GIPC2: variants seen among roughly 807,000 people sequenced by gnomAD.
GIPC2 encodes the protein PDZ domain-containing protein GIPC2.
In GIPC2, 30 loss-of-function variants were observed where a neutral mutation model predicts 30.6. The observed-to-expected ratio is 0.98, with a 90% CI of 0.73 to 1.33. The LOEUF (loss-of-function observed/expected upper bound fraction) is 1.33, where lower values mean the gene tolerates loss of function less well. Among genes scored for constraint, GIPC2 ranks in the 40% most tolerant of loss-of-function variants. The probability of loss-of-function intolerance (pLI) is 0.00; values close to 1 mark genes in which losing one functional copy is unlikely to be tolerated. For missense variants in GIPC2, 414 were observed against 390.3 expected, an observed-to-expected ratio of 1.06 and a Z score of -0.51; for synonymous variants, 167 against 150.0, an observed-to-expected ratio of 1.11 and a Z score of -0.83.
intron 1 of GIPC2, among the ~76,000 whole-genome samples, chr1:78,079,070 A>G (rs971019005): frequency 6.6e-6 from 1 of 152,322 alleles, no homozygotes. Flanking sequence ...CCCCCTGAGA[A>G]CAATATCATT....
At chr1:78,080,927 AG>A in intron 2 of GIPC2, 67 bp downstream of exon 2, 2 of 867,926 alleles carry the variant, frequency 2.3e-6, no homozygotes, top group Non-Finnish European at 3.4e-6. Context: ...ACCAGGCCAA[AG>A]AAAGTTAGAA....
In GIPC2 at chr1:78,090,027, C is replaced by T. The variant is rs763159335; in HGVS notation, c.427-4925C>T. ...CATAAATCTTCTTTTGATTTTTTTC[C>T]GAACCATTCAAAAAGGTAAAAACCA... On this transcript the variant is annotated intron_variant, in intron 2 of 5. Transcript: ENST00000370759. Among the ~76,000 whole-genome samples, 6 of 151,760 alleles carry T rather than the reference C, an allele frequency of 4.0e-5. No homozygotes were observed. In the South Asian group the frequency reaches 8.3e-4, roughly 21 times the overall value.
intron 2 of GIPC2, chr1:78,092,735 T>C (rs3790592): frequency 0.22 from 34,069 of 152,178 alleles, 4,144 homozygotes; most frequent in East Asian, 0.49. Flanking sequence ...CCTATATTGA[T>C]TTTCCTGTGT....
chr1:78,050,737 C>A (rs888395678), intron 1 of GIPC2, among the ~76,000 whole-genome samples: 2 of 151,706 alleles, frequency 1.3e-5, no homozygotes, highest in African/African-American at 4.8e-5. Flanking sequence ...TGGGTTCATG[C>A]CATTGTCCTG....
At chr1:78,074,708 T>G (rs1661683782) in intron 1 of GIPC2, among the ~76,000 whole-genome samples, 1 of 152,248 alleles carries the variant, frequency 6.6e-6, no homozygotes, top group Admixed American at 6.5e-5. Context: ...TTTCTCTTCT[T>G]TCTATTTAAC....
In GIPC2 at chr1:78,046,272, T is replaced by G; in HGVS notation, c.178T>G (p.Phe60Val). Residue 60 changes from phenylalanine to valine, a missense_variant, in exon 1 of 6, where the codon TTC (phenylalanine) becomes GTC (valine). By Grantham distance (50) the Phe-to-Val change is conservative (BLOSUM62 -1). Coordinates refer to ENST00000370759, the MANE Select transcript of GIPC2 (RefSeq NM_017655.6). ...TAGTGCCACGGGCCGAGTGGAGGGC[T>G]TCTCCAGCATCCAGGAGCTCTACGC... Reference protein sequence around the residue: ...HGSATGRVEGFSSIQELYAQI... With the variant: ...HGSATGRVEGVSSIQELYAQI... 6.2e-7 allele frequency: 1 copy of G among 1,611,828 alleles called. No homozygotes were observed. The highest frequency in any genetic ancestry group is 8.5e-7 in the Non-Finnish European group (1 of 1,179,446).
At chr1:78,046,667 T>G (rs1425293421) in intron 1 of GIPC2, among the ~76,000 whole-genome samples, 1 of 152,036 alleles carries the variant, frequency 6.6e-6, no homozygotes, top group East Asian at 1.9e-4. Context: ...GTGAGCACCT[T>G]CCCAGACTCG....
chr1:78,109,806 G>C (rs1434407617), intron 3 of GIPC2, among the ~76,000 whole-genome samples: 1 of 152,034 alleles, frequency 6.6e-6, no homozygotes, highest in Non-Finnish European at 1.5e-5. Context: ...AACAATGATA[G>C]ACTGGATTAA....
Position 78,095,056 on chromosome 1 carries a change from T to C in GIPC2, c.531T>C (p.Asp177=), listed in dbSNP as rs1662111797. ...ATATTGTTGGGTGGCGTCACTATGA[T>C]GTTGCTAAGAAGTTAAAGGAATTAA... ...GENIVGWRHY[D]VAKKLKELKK... is the part of the protein sequence containing the mutation. Residue 177 remains aspartate, a synonymous_variant, in exon 3 of 6, where the codon GAT becomes GAC. Transcript: ENST00000370759. The C allele has an allele frequency of 3.7e-6, 6 of 1,609,076 alleles. No individual in the cohort carries two copies. The highest frequency in any genetic ancestry group is 3.3e-5 in the Admixed American group (2 of 59,990).
intron 3 of GIPC2, among the ~76,000 whole-genome samples, chr1:78,116,562 G>T (rs1468348161): frequency 6.6e-6 from 1 of 150,896 alleles, no homozygotes; most frequent in Non-Finnish European, 1.5e-5. Context: ...GTGTCCAAGT[G>T]TTCTCATTGT....
intron 4 of GIPC2, among the ~76,000 whole-genome samples, chr1:78,125,316 A>G (rs906284548): frequency 6.6e-6 from 1 of 152,196 alleles, no homozygotes; most frequent in Non-Finnish European, 1.5e-5. Context: ...CTGGGATTAC[A>G]AGCATGTGCT....
chr1:78,061,727 C>T (rs1451155105), intron 1 of GIPC2, among the ~76,000 whole-genome samples: 1 of 86,726 alleles, frequency 1.2e-5, no homozygotes, highest in African/African-American at 2.8e-5. Flanking sequence ...AGTGATTTTC[C>T]TGCCTCAGCC....
intron 3 of GIPC2, among the ~76,000 whole-genome samples, chr1:78,101,728 G>A (rs771054933): frequency 1.3e-5 from 2 of 152,088 alleles, no homozygotes; most frequent in East Asian, 1.9e-4. Context: ...ATCAAGTATC[G>A]GCTGGAATGT....
At chr1:78,090,064 TG>T (rs1662008725) in intron 2 of GIPC2, among the ~76,000 whole-genome samples, 1 of 152,194 alleles carries the variant, frequency 6.6e-6, no homozygotes, top group African/African-American at 2.4e-5. Flanking sequence ...TCATAACTCA[TG>T]GGCCATATAA....
chr1:78,089,732 G>A (rs1161313847), intron 2 of GIPC2, among the ~76,000 whole-genome samples: 1 of 152,188 alleles, frequency 6.6e-6, no homozygotes. Flanking sequence ...AGAACAAAAA[G>A]TATATAAATA....
Position 78,080,670 on chromosome 1 carries a change from TG to T in GIPC2, c.241-4del, listed in dbSNP as rs1448289445. On this transcript the variant is annotated splice_polypyrimidine_tract_variant and splice_region_variant and intron_variant, in intron 1 of 5. Coordinates refer to ENST00000370759, the MANE Select transcript of GIPC2 (RefSeq NM_017655.6). ...ATGGACCTGACATTTTATTTTTCTT[TG>T]CAGATCTTATATTGCACTTTAAACA... 1 of 1,555,120 alleles carries T rather than the reference TG, an allele frequency of 6.4e-7. No individual in the cohort carries two copies. Among genetic ancestry groups the T allele is most frequent in the African/African-American group, 1.4e-5 (1 of 72,954 alleles).
At chr1:78,108,944 G>C (rs1369252190) in intron 3 of GIPC2, among the ~76,000 whole-genome samples, 3 of 152,160 alleles carry the variant, frequency 2.0e-5, no homozygotes, top group African/African-American at 7.2e-5. Flanking sequence ...GTACAAACCA[G>C]CAGTCCATGA....
intron 4 of GIPC2, among the ~76,000 whole-genome samples, chr1:78,125,217 A>T (rs1662760541): frequency 6.6e-6 from 1 of 152,130 alleles, no homozygotes; most frequent in African/African-American, 2.4e-5. Context: ...AAATTAATTA[A>T]TTAGTAGAGA....
intron 1 of GIPC2, among the ~76,000 whole-genome samples, chr1:78,050,640 T>C (rs1238199196): frequency 6.6e-6 from 1 of 152,036 alleles, no homozygotes; most frequent in African/African-American, 2.4e-5. Flanking sequence ...TTTTTTTTTT[T>C]TTCTTTTTTT....
Sources: allele counts gnomAD v4.1 joint callset (sites outside exome capture counted in the v4.1 genomes callset), GRCh38; gene constraint gnomAD v4.1.1; transcripts MANE v1.5; gene names NCBI Gene and HGNC (gene_info 2026-07-23, HGNC 2026-07-21).